The following PRKX variants were observed in gnomAD, a reference collection of about 807,000 sequenced individuals.
PRKX encodes protein kinase cAMP-dependent X-linked catalytic subunit.
Under a neutral mutation model 22.0 loss-of-function variants are expected in PRKX, and 12 were observed. The observed-to-expected ratio is 0.54, with a 90% CI of 0.35 to 0.88. The LOEUF is 0.88. Ranked by LOEUF, PRKX falls within the 40% of genes least tolerant of loss-of-function variation. The pLI, the probability that PRKX is intolerant of heterozygous loss-of-function variation, is 0.01. For synonymous variants in PRKX, 134 were observed against 137.7 expected, an observed-to-expected ratio of 0.97 and a Z score of 0.19; for missense variants, 217 against 308.0, an observed-to-expected ratio of 0.70 and a Z score of 2.21.
At chrX:3,700,071 G>C (rs1179241627) in intron 1 of PRKX, among the ~76,000 whole-genome samples, 1 of 111,669 alleles carries the variant, frequency 9.0e-6, no homozygotes, top group Non-Finnish European at 1.9e-5. Flanking sequence ...CACAAGCTAT[G>C]AACACATCAG....
chrX:3,691,513 C>T (rs56390349), intron 1 of PRKX, among the ~76,000 whole-genome samples: 30,885 of 92,538 alleles, frequency 0.33, 3,661 homozygotes, highest in Non-Finnish European at 0.37. Context: ...TTCATTAATT[C>T]CCCCTTCAAT....
intron 5 of PRKX, among the ~76,000 whole-genome samples, chrX:3,625,807 G>A (rs961017692): frequency 7.2e-5 from 8 of 111,000 alleles, no homozygotes; most frequent in Non-Finnish European, 1.1e-4. Flanking sequence ...TCCTGACCTC[G>A]TGTTCCACCC....
chrX:3,687,426 T>C (rs1411952777), intron 1 of PRKX, among the ~76,000 whole-genome samples: 1 of 112,002 alleles, frequency 8.9e-6, no homozygotes, highest in Non-Finnish European at 1.9e-5. Flanking sequence ...TCAAAGTAAC[T>C]TGGATAACAA....
intron 4 of PRKX, among the ~76,000 whole-genome samples, chrX:3,632,618 C>T (rs774935168): frequency 3.6e-5 from 4 of 111,364 alleles, no homozygotes; most frequent in African/African-American, 9.8e-5. Context: ...TATTAATAAG[C>T]GGAAAAAGAT....
intron 4 of PRKX, among the ~76,000 whole-genome samples, chrX:3,629,636 T>G (rs1407234088): frequency 1.8e-5 from 2 of 109,944 alleles, no homozygotes; most frequent in African/African-American, 6.6e-5. Context: ...ACAGGCCAAA[T>G]GAAAGAGCCT....
At chrX:3,630,242 C>G (rs1180316993) in intron 4 of PRKX, among the ~76,000 whole-genome samples, 2 of 112,368 alleles carry the variant, frequency 1.8e-5, no homozygotes, top group Non-Finnish European at 3.8e-5. Context: ...TAAAGAACTA[C>G]CTGAGACTGG....
At chrX:3,700,749 T>TTTGTTGTTGTTTG (rs1555898376) in intron 1 of PRKX, among the ~76,000 whole-genome samples, 53 of 105,509 alleles carry the variant, frequency 5.0e-4, no homozygotes, top group African/African-American at 1.7e-3. Context: ...CAGCTAATTG[T>TTTGTTGTTGTTTG]TTGTTGTTGT....
chrX:3,687,766 GA>G (rs66518567), intron 1 of PRKX, among the ~76,000 whole-genome samples: 15,126 of 109,810 alleles, frequency 0.14, 937 homozygotes, highest in East Asian at 0.39. Flanking sequence ...AAATGCAGGA[GA>G]AAAAAAACCC....
chrX:3,689,693 A>G (rs954079708), intron 1 of PRKX, among the ~76,000 whole-genome samples: 35 of 110,969 alleles, frequency 3.2e-4, no homozygotes, highest in Non-Finnish European at 6.2e-4. Flanking sequence ...AAATGAATGA[A>G]TGGGCTGGGC....
chrX:3,686,018 A>T (rs1447759329), intron 1 of PRKX, among the ~76,000 whole-genome samples: 1 of 112,129 alleles, frequency 8.9e-6, no homozygotes, highest in African/African-American at 3.2e-5. Flanking sequence ...ACTGCACTCC[A>T]GCCTGGGAGA....
At chrX:3,673,425 A>G (rs1489680976) in intron 2 of PRKX, among the ~76,000 whole-genome samples, 1 of 110,853 alleles carries the variant, frequency 9.0e-6, no homozygotes, top group African/African-American at 3.3e-5. Flanking sequence ...TACCCTGAGG[A>G]TGAAAGGAGA....
chrX:3,708,628 G>A (rs1286886499), intron 1 of PRKX, among the ~76,000 whole-genome samples: 1 of 110,450 alleles, frequency 9.1e-6, no homozygotes, highest in African/African-American at 3.3e-5. Context: ...TCTTTGGGAG[G>A]CCAAGGCGGG....
chrX:3,621,108 A>G, intron 6 of PRKX, 151 bp downstream of exon 6: 1 of 470,932 alleles, frequency 2.1e-6, no homozygotes, highest in Non-Finnish European at 3.5e-6. Context: ...GTAAAATTTA[A>G]AAAAATAAAT....
At chrX:3,637,585 C>G (rs1416539452) in intron 4 of PRKX, among the ~76,000 whole-genome samples, 8 of 110,908 alleles carry the variant, frequency 7.2e-5, no homozygotes, top group Non-Finnish European at 3.8e-5. Flanking sequence ...AGACACAGGG[C>G]TGCTGAGAAA....
chrX:3,660,341 G>T (rs1460527078), intron 2 of PRKX, among the ~76,000 whole-genome samples: 1 of 111,927 alleles, frequency 8.9e-6, no homozygotes, highest in East Asian at 2.8e-4. Flanking sequence ...GGGTAACACT[G>T]AGCTCTTGAA....
At chrX:3,661,628 A>G (rs1429132755) in intron 2 of PRKX, among the ~76,000 whole-genome samples, 2 of 110,946 alleles carry the variant, frequency 1.8e-5, no homozygotes, top group Admixed American at 1.9e-4. Context: ...TTACGTGGAC[A>G]GAATTTGTAC....
intron 1 of PRKX, among the ~76,000 whole-genome samples, chrX:3,705,907 G>T (rs1421892343): frequency 9.5e-6 from 1 of 105,615 alleles, no homozygotes; most frequent in Non-Finnish European, 1.9e-5. Context: ...AGCCAGGATG[G>T]TCTCGATCTC....
chrX:3,652,104 G>A (rs1927344585), intron 3 of PRKX, among the ~76,000 whole-genome samples: 1 of 110,659 alleles, frequency 9.0e-6, no homozygotes, highest in Non-Finnish European at 1.9e-5. Flanking sequence ...TAAAGGGTGG[G>A]AGGTGGGTGA....
intron 4 of PRKX, among the ~76,000 whole-genome samples, chrX:3,639,848 T>C (rs1311082930): frequency 9.0e-6 from 1 of 110,763 alleles, no homozygotes; most frequent in East Asian, 2.9e-4. Context: ...CATGGGACGA[T>C]GACCCCTGTC....
Sources: allele counts gnomAD v4.1 joint callset (sites outside exome capture counted in the v4.1 genomes callset), GRCh38; gene constraint gnomAD v4.1.1; transcripts MANE v1.5; gene names NCBI Gene and HGNC (gene_info 2026-07-23, HGNC 2026-07-21).